SNX6: variants seen among roughly 807,000 people sequenced by gnomAD.
The protein encoded by SNX6 is sorting nexin 6.
SNX6 carries 34 observed loss-of-function variants against 63.0 expected under a neutral mutation model. The ratio of observed to expected loss-of-function variants is 0.54; its 90% CI spans 0.41 to 0.72. SNX6 has a LOEUF of 0.72. Among genes scored for constraint, SNX6 ranks in the 30% least tolerant of loss-of-function variants. The pLI, the probability that SNX6 is intolerant of heterozygous loss-of-function variation, is 0.00. For synonymous variants in SNX6, 170 were observed against 164.2 expected, an observed-to-expected ratio of 1.04 and a Z score of -0.27; for missense variants, 398 against 471.4, an observed-to-expected ratio of 0.84 and a Z score of 1.44.
intron 11 of SNX6, among the ~76,000 whole-genome samples, chr14:34,570,115 C>A (rs1881377474): frequency 6.6e-6 from 1 of 151,630 alleles, no homozygotes; most frequent in African/African-American, 2.4e-5. Flanking sequence ...TTTGCCCAGG[C>A]TGGAGTGCAA....
rs115529909 is a variant in SNX6 at position 34,575,850 on chromosome 14, G to T, written c.835-8C>A. 1.1e-5 allele frequency: 17 copies of T among 1,536,614 alleles called. No individual in the cohort carries two copies. The African/African-American group carries it at 2.2e-4, about 20-fold the overall frequency. On this transcript the variant is annotated splice_region_variant and splice_polypyrimidine_tract_variant and intron_variant, in intron 10 of 13. Coordinates refer to ENST00000362031, the MANE Select transcript of SNX6 (RefSeq NM_152233.4). The stretch of plus-strand genomic sequence containing the variant: ...CACTCGTGCTTCTATTTTCTGAAAA[G>T]AAGGAAAAAATTGAATATTTAATCA...
chr14:34,622,451 CGGGCACCTGT>C (rs1807507193), intron 2 of SNX6, among the ~76,000 whole-genome samples: 1 of 150,534 alleles, frequency 6.6e-6, no homozygotes, highest in South Asian at 2.1e-4. Context: ...GGCGTGGTGG[CGGGCACCTGT>C]AGTCCCAGCT....
chr14:34,593,021 G>T, intron 8 of SNX6, 24 bp downstream of exon 8: 3 of 1,426,880 alleles, frequency 2.1e-6, no homozygotes, highest in Non-Finnish European at 2.9e-6. Flanking sequence ...AAAGATATAA[G>T]CTTTAGCCAC....
At chr14:34,579,899 G>A (rs1247864130) in intron 10 of SNX6, among the ~76,000 whole-genome samples, 1 of 151,878 alleles carries the variant, frequency 6.6e-6, no homozygotes, top group Non-Finnish European at 1.5e-5. Context: ...TAAAAAAGGG[G>A]CTGGGCCGAG....
In SNX6 at chr14:34,617,102, T is replaced by G. The variant is rs538301420; in HGVS notation, c.55-7360A>C. Among the ~76,000 whole-genome samples the G allele has an allele frequency of 7.4e-4, 112 of 151,266 alleles. 1 individual carries two copies. The highest frequency in any genetic ancestry group is 2.5e-3 in the African/African-American group (101 of 40,828). On this transcript the variant is annotated intron_variant, in intron 2 of 13. Transcript: ENST00000362031. ...CTCGGGTTAAAAAAATTTAATCAAC[T>G]TTCTGTAACTAGTGAGTTCAGTTTG...
At chr14:34,603,536 T>G (rs1882905662) in intron 5 of SNX6, 65 bp from the exon 6 acceptor site, 2 of 1,382,206 alleles carry the variant, frequency 1.4e-6, no homozygotes, top group Non-Finnish European at 2.0e-6. Context: ...CTGCAACAAT[T>G]TTTTTCAGAA....
intron 1 of SNX6, 67 bp downstream of exon 1, chr14:34,630,044 C>T (rs1315976428): frequency 6.9e-7 from 1 of 1,439,636 alleles, no homozygotes; most frequent in African/African-American, 1.5e-5. Context: ...GGCGCGGTCC[C>T]CGCGCCCGCC....
intron 2 of SNX6, among the ~76,000 whole-genome samples, chr14:34,622,090 C>G (rs950929991): frequency 2.7e-5 from 4 of 150,542 alleles, no homozygotes; most frequent in African/African-American, 7.3e-5. Context: ...TCCCTAGTAG[C>G]TGGGATTACA....
At position 34,567,778 on chromosome 14, in the gene SNX6, A is replaced by G. The variant is rs1277733919; in HGVS notation, c.1082-7T>C. ...GTCTTAAAATCTATAAGTTCTGTGAAAAAGAAATTAGGATTATTTAATTTA... is the reference window on the plus strand; with the variant it reads ...GTCTTAAAATCTATAAGTTCTGTGAGAAAGAAATTAGGATTATTTAATTTA... On this transcript the variant is annotated splice_polypyrimidine_tract_variant and splice_region_variant and intron_variant, in intron 12 of 13. Coordinates refer to ENST00000362031, the MANE Select transcript of SNX6 (RefSeq NM_152233.4). The G allele has an allele frequency of 1.2e-6, 2 of 1,613,052 alleles. No homozygotes were observed. Among genetic ancestry groups the G allele is most frequent in the Admixed American group, 1.7e-5 (1 of 59,974 alleles).
At chr14:34,587,033 A>AC (rs1882193914) in intron 8 of SNX6, among the ~76,000 whole-genome samples, 1 of 128,994 alleles carries the variant, frequency 7.8e-6, no homozygotes, top group Non-Finnish European at 1.7e-5. Context: ...AAAAAAAAAA[A>AC]CAACTGGAAA....
At chr14:34,573,038 C>G (rs905618356) in intron 11 of SNX6, among the ~76,000 whole-genome samples, 16 of 152,050 alleles carry the variant, frequency 1.1e-4, no homozygotes, top group African/African-American at 3.6e-4. Context: ...CAACAGTATA[C>G]AGTGGCAATC....
chr14:34,604,725 A>C (rs1258196418), intron 5 of SNX6, among the ~76,000 whole-genome samples: 1 of 152,182 alleles, frequency 6.6e-6, no homozygotes, highest in Admixed American at 6.6e-5. Context: ...CCTACCCGAA[A>C]ATCTGAAATC....
At chr14:34,570,726 T>TC (rs144822044) in intron 11 of SNX6, among the ~76,000 whole-genome samples, 52,949 of 99,172 alleles carry the variant, frequency 0.53, 11,321 homozygotes, top group East Asian at 0.77. Flanking sequence ...TGGCCTTCTC[T>TC]TTTTTTTTTT....
chr14:34,562,951 G>T lies in SNX6; in HGVS notation c.*171C>A. On this transcript the variant is annotated 3_prime_UTR_variant, in exon 14 of 14. Transcript: ENST00000362031. ...GTGCGGCATCACGGCACACAGACTGGCATCGCCTGGGCGTGCGCTGCTCCA... is the reference window on the plus strand; with the variant it reads ...GTGCGGCATCACGGCACACAGACTGTCATCGCCTGGGCGTGCGCTGCTCCA... 1 of 641,174 alleles carries T rather than the reference G, an allele frequency of 1.6e-6. No homozygotes were observed. 39.7% of individuals were successfully genotyped at this position (641,174 alleles called of 1,614,324 possible).
chr14:34,623,925 A>C (rs1330394641), intron 2 of SNX6, among the ~76,000 whole-genome samples: 1 of 152,212 alleles, frequency 6.6e-6, no homozygotes, highest in Non-Finnish European at 1.5e-5. Flanking sequence ...GCACATCAGA[A>C]AAAAAATGTG....
chr14:34,587,384 T>C (rs568566360), intron 8 of SNX6, among the ~76,000 whole-genome samples: 1 of 151,488 alleles, frequency 6.6e-6, no homozygotes, highest in East Asian at 2.0e-4. Flanking sequence ...TACAAAAGAA[T>C]TAGCCGAGTG....
chr14:34,579,723 C>G (rs1253655704), intron 10 of SNX6, among the ~76,000 whole-genome samples: 1 of 151,614 alleles, frequency 6.6e-6, no homozygotes, highest in African/African-American at 2.4e-5. Context: ...CTCAGTGGCT[C>G]ACACCTATAA....
chr14:34,615,366 T>A (rs1405063754), intron 2 of SNX6, among the ~76,000 whole-genome samples: 2 of 152,086 alleles, frequency 1.3e-5, no homozygotes, highest in East Asian at 3.9e-4. Flanking sequence ...GGACCACAGG[T>A]GTACACCACC....
intron 10 of SNX6, among the ~76,000 whole-genome samples, chr14:34,577,995 G>C (rs1566469219): frequency 6.6e-6 from 1 of 152,148 alleles, no homozygotes; most frequent in Non-Finnish European, 1.5e-5. Context: ...TTTGAGGTCA[G>C]GAGTTCGAGA....
Sources: allele counts gnomAD v4.1 joint callset (sites outside exome capture counted in the v4.1 genomes callset), GRCh38; gene constraint gnomAD v4.1.1; transcripts MANE v1.5; gene names NCBI Gene and HGNC (gene_info 2026-07-23, HGNC 2026-07-21).